The following TMPRSS12 variants were observed in gnomAD, a reference collection of about 807,000 sequenced individuals.
TMPRSS12 encodes transmembrane protease serine 12.
Under a neutral mutation model 26.0 loss-of-function variants are expected in TMPRSS12, and 25 were observed. The observed-to-expected ratio is 0.96, with a 90% confidence interval of 0.70 to 1.34. TMPRSS12 has a LOEUF of 1.34. Among genes scored for constraint, TMPRSS12 ranks in the 40% most tolerant of loss-of-function variants. The pLI, the probability that TMPRSS12 is intolerant of heterozygous loss-of-function variation, is 0.00. For missense variants in TMPRSS12, 441 were observed against 440.1 expected, an observed-to-expected ratio of 1.00 and a Z score of -0.02; for synonymous variants, 150 against 161.7, an observed-to-expected ratio of 0.93 and a Z score of 0.55.
chr12:50,878,410 T>C (rs1229972624), intron 3 of TMPRSS12, among the ~76,000 whole-genome samples: 2 of 144,086 alleles, frequency 1.4e-5, no homozygotes, highest in African/African-American at 5.1e-5. Flanking sequence ...GGTGAGCCCC[T>C]ATCTCTGCAA....
intron 3 of TMPRSS12, among the ~76,000 whole-genome samples, chr12:50,882,102 A>G (rs1178483375): frequency 7.1e-6 from 1 of 141,742 alleles, no homozygotes; most frequent in Non-Finnish European, 1.5e-5. Flanking sequence ...CTAATATTGA[A>G]GAATAAAGTC....
At chr12:50,875,696 C>A (rs1351326062) in intron 3 of TMPRSS12, among the ~76,000 whole-genome samples, 3 of 152,004 alleles carry the variant, frequency 2.0e-5, no homozygotes, top group African/African-American at 7.3e-5. Context: ...GCTGGCTAGC[C>A]ATATGCAGAA....
At position 50,872,724 on chromosome 12, in the gene TMPRSS12, G is replaced by GCATATATGTACATATATAGACGTC. The variant is rs1938067260; in HGVS notation, c.653-12522_653-12521insCATATATGTACATATATAGACGTC. Among the ~76,000 whole-genome samples the GCATATATGTACATATATAGACGTC allele has an allele frequency of 8.4e-5, 8 of 94,842 alleles. 3 individuals carry two copies. The highest frequency in any genetic ancestry group is 2.9e-4 in the African/African-American group (7 of 24,330). 62.2% of individuals were successfully genotyped at this position (94,842 alleles called of 152,430 possible). On this transcript the variant is annotated intron_variant, in intron 3 of 4. Transcript: ENST00000398458. ...ACGTATATGTGTACATATATATGAC[G>GCATATATGTACATATATAGACGTC]TATATATGTACATATATATACGTCT...
At position 50,858,818 on chromosome 12, in the gene TMPRSS12, T is replaced by G. The variant is rs1937906405; in HGVS notation, c.417T>G (p.Thr139=). ...DPLMWTAVIG[T]NNIHGRYPHT... is the part of the protein sequence containing the mutation. ...TAATGTGGACAGCTGTGATTGGAAC[T>G]AATAATATACATGGACGCTATCCTC... Residue 139 remains threonine (T), a synonymous_variant, in exon 3 of 5, where the codon ACT becomes ACG. Coordinates refer to ENST00000398458, the MANE Select transcript of TMPRSS12 (RefSeq NM_182559.3). 6.2e-7 allele frequency: 1 copy of G among 1,605,390 alleles called. No homozygotes were observed. The highest frequency in any genetic ancestry group is 1.1e-5 in the South Asian group (1 of 89,070).
In TMPRSS12 at chr12:50,842,994, G is replaced by A; in HGVS notation, c.30G>A (p.Leu10=). 1 of 1,600,632 alleles carries A rather than the reference G, an allele frequency of 6.2e-7. No individual in the cohort carries two copies. Among genetic ancestry groups the A allele is most frequent in the Non-Finnish European group, 8.5e-7 (1 of 1,173,406 alleles). Residue 10 remains leucine (L), a synonymous_variant, in exon 1 of 5, where the codon CTG becomes CTA. Coordinates refer to ENST00000398458, the MANE Select transcript of TMPRSS12 (RefSeq NM_182559.3). ...GGCTGGGGCTCCTGAGCGTGGCGCT[G>A]TTGTTTGTGGGGAGCTCTCACTTAT... is the stretch of plus-strand genomic sequence containing the variant. MRLGLLSVA[L]LFVGSSHLYS...
rs560832496 is a variant in TMPRSS12, at chr12:50,844,024, A to C, written c.370A>C (p.Thr124Pro). The change falls in exon 2 of 5, where the codon ACT becomes CCT. Residue 124 changes from threonine (T) to proline (P), a missense_variant. By Grantham distance (38) the Thr-to-Pro change is conservative. Transcript: ENST00000398458. ...ERWVLTAAHC[T>P]KDASDPLMWT... is the part of the protein sequence containing the mutation. ...GTGGGTCCTCACAGCTGCCCACTGC[A>C]CTAAAGACGCTAGGTACGTATTCAG... The C allele has an allele frequency of 6.3e-7, 1 of 1,582,486 alleles. No individual in the cohort carries two copies. Among genetic ancestry groups the C allele is most frequent in the East Asian group, 2.3e-5 (1 of 44,436 alleles).
At chr12:50,848,495 CGTT>C (rs1184573701) in intron 2 of TMPRSS12, among the ~76,000 whole-genome samples, 2 of 152,144 alleles carry the variant, frequency 1.3e-5, no homozygotes, top group East Asian at 1.9e-4. Context: ...TTGTTTTTGT[CGTT>C]GTTGTTTTGT....
intron 2 of TMPRSS12, among the ~76,000 whole-genome samples, chr12:50,858,490 G>A (rs907288459): frequency 6.6e-6 from 1 of 152,148 alleles, no homozygotes; most frequent in African/African-American, 2.4e-5. Flanking sequence ...CAAACAGCTA[G>A]TTGCCCCAAT....
rs1938243536 is a variant in TMPRSS12, at chr12:50,887,822, A to T, written c.*309A>T. On this transcript the variant is annotated 3_prime_UTR_variant, in exon 5 of 5. Transcript: ENST00000398458. ...AAATGCCAAATAATAGTTTATAATT[A>T]AAATGAAAGCTGTCATTTGGTTAAA... 1 of 189,408 alleles carries T rather than the reference A, an allele frequency of 5.3e-6. No homozygotes were observed. Among genetic ancestry groups the T allele is most frequent in the South Asian group, 1.9e-4 (1 of 5,208 alleles). The allele number at this position is 189,408 out of a possible 1,614,324, so 11.7% of individuals were successfully genotyped here.
At chr12:50,849,725 TAA>T (rs570316511) in intron 2 of TMPRSS12, among the ~76,000 whole-genome samples, 1 of 147,658 alleles carries the variant, frequency 6.8e-6, no homozygotes, top group Non-Finnish European at 1.5e-5. Context: ...CATTCCTTTT[TAA>T]AAAAAAAAAA....
In TMPRSS12 at chr12:50,853,143, C is replaced by T. The variant is rs188434279; in HGVS notation, c.384-5642C>T. ...TACCATCCACACTCTTGGATCACAA[C>T]GTGATAAAAATAGAAATCAATGCCA... On this transcript the variant is annotated intron_variant, in intron 2 of 4. Transcript: ENST00000398458. Among the ~76,000 whole-genome samples the T allele has an allele frequency of 3.7e-4, 56 of 152,174 alleles. 1 individual carries two copies. The highest frequency in any genetic ancestry group is 3.9e-4 in the African/African-American group (16 of 41,518).
At position 50,842,934 on chromosome 12, in the gene TMPRSS12, C is replaced by T; in HGVS notation, c.-31C>T. On this transcript the variant is annotated 5_prime_UTR_variant, in exon 1 of 5. Coordinates refer to ENST00000398458, the MANE Select transcript of TMPRSS12 (RefSeq NM_182559.3). ...GCGTGCCCAGGGCGGGTGGGAAGTA[C>T]CTGCCGCCATCTTGCTCACCAGCCT... 1 of 1,539,992 alleles carries T rather than the reference C, an allele frequency of 6.5e-7. No homozygotes were observed.
At chr12:50,870,340 A>AG (rs1198592294) in intron 3 of TMPRSS12, among the ~76,000 whole-genome samples, 1 of 151,532 alleles carries the variant, frequency 6.6e-6, no homozygotes, top group Non-Finnish European at 1.5e-5. Flanking sequence ...CACAGAATTA[A>AG]AAAAAAAAAT....
intron 3 of TMPRSS12, among the ~76,000 whole-genome samples, chr12:50,862,797 G>A (rs978045882): frequency 2.0e-5 from 3 of 151,962 alleles, no homozygotes; most frequent in African/African-American, 7.3e-5. Flanking sequence ...AAAGTGCTAG[G>A]ACTACAGGCG....
intron 3 of TMPRSS12, among the ~76,000 whole-genome samples, chr12:50,878,755 GA>G (rs747777495): frequency 6.6e-6 from 1 of 151,664 alleles, no homozygotes; most frequent in Non-Finnish European, 1.5e-5. Context: ...CTTACGCCGC[GA>G]AAAAAAACCC....
intron 3 of TMPRSS12, among the ~76,000 whole-genome samples, chr12:50,863,708 T>C (rs1937960356): frequency 6.6e-6 from 1 of 152,100 alleles, no homozygotes. Context: ...AACAATGAAA[T>C]GACAAAATTA....
intron 3 of TMPRSS12, among the ~76,000 whole-genome samples, chr12:50,872,618 T>C (rs1243502882): frequency 1.8e-4 from 22 of 121,968 alleles, no homozygotes; most frequent in Admixed American, 1.4e-3. Flanking sequence ...ATATATGACG[T>C]ATATATGTAC....
At chr12:50,885,158 C>T (rs547512436) in intron 3 of TMPRSS12, 88 bp from the exon 4 acceptor site, 8 of 1,236,146 alleles carry the variant, frequency 6.5e-6, no homozygotes, top group African/African-American at 6.0e-5. Context: ...GCATCAGTCA[C>T]TTTGGAAAGA....
intron 4 of TMPRSS12, 52 bp from the exon 5 acceptor site, chr12:50,887,210 T>C: frequency 2.6e-6 from 4 of 1,560,884 alleles, no homozygotes; most frequent in Non-Finnish European, 2.6e-6. Flanking sequence ...GTGTTACTGT[T>C]GCTTGAAGAA....
Sources: allele counts gnomAD v4.1 joint callset (sites outside exome capture counted in the v4.1 genomes callset), GRCh38; gene constraint gnomAD v4.1.1; transcripts MANE v1.5; gene names NCBI Gene and HGNC (gene_info 2026-07-23, HGNC 2026-07-21).